The following GALNT17 variants were observed in gnomAD, a reference collection of about 807,000 sequenced individuals.
The protein encoded by GALNT17 is UDP-GalNAc:polypeptide N-acetylgalactosaminyltransferase-like 3.
GALNT17 carries 29 observed loss-of-function variants against 63.7 expected under a neutral mutation model. The observed-to-expected ratio is 0.46, with a 90% CI of 0.34 to 0.62. The LOEUF is 0.62. Ranked by LOEUF, GALNT17 falls within the 20% of genes least tolerant of loss-of-function variation. The pLI is 0.01. For synonymous variants in GALNT17, 305 were observed against 318.3 expected, an observed-to-expected ratio of 0.96 and a Z score of 0.45; for missense variants, 603 against 799.6, an observed-to-expected ratio of 0.75 and a Z score of 2.97.
chr7:71,429,927 A>C (rs1786828570), intron 5 of GALNT17, among the ~76,000 whole-genome samples: 1 of 152,128 alleles, frequency 6.6e-6, no homozygotes, highest in Non-Finnish European at 1.5e-5. Flanking sequence ...GACTGGTCTC[A>C]AACTCCTGAC....
intron 1 of GALNT17, among the ~76,000 whole-genome samples, chr7:71,313,988 T>C (rs1019012784): frequency 2.0e-5 from 3 of 152,142 alleles, no homozygotes; most frequent in Non-Finnish European, 2.9e-5. Context: ...GTTGTCTACT[T>C]GGAAAAAAAC....
intron 2 of GALNT17, among the ~76,000 whole-genome samples, chr7:71,345,156 T>G (rs1234582821): frequency 6.6e-6 from 1 of 151,514 alleles, no homozygotes; most frequent in Non-Finnish European, 1.5e-5. Flanking sequence ...TGTTTTTTTT[T>G]TTTGTTTTTT....
At chr7:71,668,963 A>C (rs991662071) in intron 7 of GALNT17, among the ~76,000 whole-genome samples, 6 of 152,192 alleles carry the variant, frequency 3.9e-5, no homozygotes, top group Admixed American at 6.5e-5. Context: ...AAAAGACAGG[A>C]GGTGGTTGTA....
chr7:71,362,868 G>C (rs7803373), intron 2 of GALNT17, among the ~76,000 whole-genome samples: 22,391 of 152,172 alleles, frequency 0.15, 2,315 homozygotes, highest in African/African-American at 0.3. Context: ...GTTTGATGCT[G>C]TGTAAATCTC....
intron 5 of GALNT17, among the ~76,000 whole-genome samples, chr7:71,435,541 C>T (rs764724418): frequency 3.3e-4 from 50 of 152,066 alleles, no homozygotes; most frequent in Non-Finnish European, 6.0e-4. Flanking sequence ...TTTTGCAGAC[C>T]CTGCACTTGA....
At chr7:71,379,180 C>T (rs1792798882) in intron 2 of GALNT17, among the ~76,000 whole-genome samples, 1 of 152,028 alleles carries the variant, frequency 6.6e-6, no homozygotes, top group Non-Finnish European at 1.5e-5. Context: ...GAGGAAGTGC[C>T]TAGCAGGAGG....
intron 1 of GALNT17, among the ~76,000 whole-genome samples, chr7:71,305,948 G>C (rs1791284053): frequency 6.6e-6 from 1 of 152,232 alleles, no homozygotes; most frequent in African/African-American, 2.4e-5. Flanking sequence ...GCCGGGCATG[G>C]TGGCCCACGC....
At chr7:71,584,151 G>A (rs569704138) in intron 6 of GALNT17, among the ~76,000 whole-genome samples, 1 of 152,068 alleles carries the variant, frequency 6.6e-6, no homozygotes, top group Admixed American at 6.6e-5. Context: ...AAACAAAAAA[G>A]GGCCTCCTTC....
chr7:71,271,861 G>A (rs1275964564), intron 1 of GALNT17, among the ~76,000 whole-genome samples: 1 of 152,154 alleles, frequency 6.6e-6, no homozygotes, highest in Non-Finnish European at 1.5e-5. Flanking sequence ...CCAGGCTAAA[G>A]CGATCCTCCC....
Position 71,300,294 on chromosome 7 carries a change from G to C in GALNT17, c.239-35256G>C, listed in dbSNP as rs1472800291. ...TCATGAAAGAGAGGAAATGTATCTG[G>C]ACTCTGGGCTTGAAGCTCTTCTTTC... is the stretch of plus-strand genomic sequence containing the variant. On this transcript the variant is annotated intron_variant, in intron 1 of 10. Coordinates refer to ENST00000333538, the MANE Select transcript of GALNT17 (RefSeq NM_022479.3). The C allele has an allele frequency of 8.6e-6, 3 of 349,518 alleles. No individual in the cohort carries two copies. In the Admixed American group the frequency reaches 1.2e-4, roughly 14 times the overall value. The allele number at this position is 349,518 out of a possible 1,614,324, so 21.7% of individuals were successfully genotyped here. A position where few individuals can be genotyped will look rare whatever the true frequency, so the allele number is the denominator to read the frequency against.
In GALNT17 at chr7:71,327,112, C is replaced by A. The variant is rs547047739; in HGVS notation, c.239-8438C>A. Among the ~76,000 whole-genome samples the A allele has an allele frequency of 5.3e-5, 8 of 152,286 alleles. No individual in the cohort carries two copies. The East Asian group carries it at 1.5e-3, about 29-fold the overall frequency. On this transcript the variant is annotated intron_variant, in intron 1 of 10. Coordinates refer to ENST00000333538, the MANE Select transcript of GALNT17 (RefSeq NM_022479.3). Reference sequence around the variant, plus strand: ...TTTTAAGAACTCTTTGTGTGTCAGGCACTGGAGGTGACCACATGTATGCCA... The same window carrying A: ...TTTTAAGAACTCTTTGTGTGTCAGGAACTGGAGGTGACCACATGTATGCCA...
intron 5 of GALNT17, among the ~76,000 whole-genome samples, chr7:71,444,555 G>A (rs1563097692): frequency 1.3e-5 from 2 of 152,312 alleles, no homozygotes; most frequent in Admixed American, 6.5e-5. Flanking sequence ...TTAACTGAGG[G>A]CCGGGTGCAG....
chr7:71,262,279 T>C (rs1276641294), intron 1 of GALNT17, among the ~76,000 whole-genome samples: 1 of 152,026 alleles, frequency 6.6e-6, no homozygotes, highest in African/African-American at 2.4e-5. Flanking sequence ...GCCTGGCTGA[T>C]TTTTAATTTT....
intron 6 of GALNT17, among the ~76,000 whole-genome samples, chr7:71,628,068 A>G (rs1790400040): frequency 3.0e-5 from 2 of 66,700 alleles, no homozygotes; most frequent in South Asian, 2.7e-3. Flanking sequence ...AGGGGATCTC[A>G]GGGGGAAAAA....
chr7:71,253,791 A>G (rs1002083499), intron 1 of GALNT17, among the ~76,000 whole-genome samples: 16 of 152,178 alleles, frequency 1.1e-4, no homozygotes, highest in African/African-American at 3.6e-4. Context: ...ACAGCTCCCC[A>G]AATTCTGATT....
At chr7:71,463,035 G>A (rs1242899427) in intron 5 of GALNT17, among the ~76,000 whole-genome samples, 3 of 152,140 alleles carry the variant, frequency 2.0e-5, no homozygotes, top group South Asian at 2.1e-4. Flanking sequence ...CAAATCCATC[G>A]CCTCAAGGAA....
At chr7:71,509,555 T>G (rs1379656422) in intron 5 of GALNT17, among the ~76,000 whole-genome samples, 1 of 152,254 alleles carries the variant, frequency 6.6e-6, no homozygotes, top group Non-Finnish European at 1.5e-5. Context: ...AGGGAAACAC[T>G]TGGCTTTCCT....
At chr7:71,339,298 T>C (rs1466158521) in intron 2 of GALNT17, among the ~76,000 whole-genome samples, 2 of 152,230 alleles carry the variant, frequency 1.3e-5, no homozygotes, top group Non-Finnish European at 2.9e-5. Context: ...CACAAGGGTA[T>C]GTGCCGGCTA....
intron 6 of GALNT17, among the ~76,000 whole-genome samples, chr7:71,593,757 C>G (rs563185438): frequency 1.3e-5 from 2 of 152,344 alleles, no homozygotes; most frequent in East Asian, 3.9e-4. Context: ...GAGGAGAATG[C>G]ATTGTGCGTT....
Sources: allele counts gnomAD v4.1 joint callset (sites outside exome capture counted in the v4.1 genomes callset), GRCh38; gene constraint gnomAD v4.1.1; transcripts MANE v1.5; gene names NCBI Gene and HGNC (gene_info 2026-07-23, HGNC 2026-07-21).